Variants in MIGA2 observed in about 807,000 individuals in gnomAD.
MIGA2 encodes mitoguardin 2, also known as family with sequence similarity 73, member B.
A neutral mutation model predicts 69.9 loss-of-function variants in MIGA2; 36 were observed. That is an observed-to-expected ratio of 0.52 (90% CI 0.39 to 0.68). MIGA2 has a LOEUF of 0.68. Among genes scored for constraint, MIGA2 ranks in the 30% least tolerant of loss-of-function variants. The pLI is 0.00. For synonymous variants in MIGA2, 333 were observed against 349.2 expected, an observed-to-expected ratio of 0.95 and a Z score of 0.52; for missense variants, 660 against 787.7, an observed-to-expected ratio of 0.84 and a Z score of 1.94.
At chr9:129,043,721 C>T (rs1390761965) in intron 3 of MIGA2, among the ~76,000 whole-genome samples, 18 of 150,974 alleles carry the variant, frequency 1.2e-4, no homozygotes, top group African/African-American at 4.4e-4. Context: ...TTTTTTGAGA[C>T]GGAGTCTCAC....
chr9:129,045,600 AT>A (rs887691759), intron 3 of MIGA2, among the ~76,000 whole-genome samples: 2 of 151,344 alleles, frequency 1.3e-5, no homozygotes, highest in Admixed American at 6.6e-5. Context: ...TCTATAAATA[AT>A]TTTTTTTTAA....
chr9:129,047,984 G>T (rs558694305), intron 3 of MIGA2, among the ~76,000 whole-genome samples: 49 of 152,224 alleles, frequency 3.2e-4, no homozygotes, highest in African/African-American at 1.1e-3. Flanking sequence ...CCCCATCTCG[G>T]CCTCCCAAAG....
At chr9:129,070,157 TG>T in intron 15 of MIGA2, 89 bp from the exon 16 acceptor site, 2 of 1,457,440 alleles carry the variant, frequency 1.4e-6, no homozygotes, top group Non-Finnish European at 1.9e-6. Context: ...GCTGGGGCTC[TG>T]GTGGTGGACA....
At position 129,069,489 on chromosome 9, in the gene MIGA2, T is replaced by C; in HGVS notation, c.1458+360T>C. ...CCTTTCCCCGCCCCAGTCAGGCCCCTGTAATCTCCGCTCCCAGGCAGCGAC... is the reference window on the plus strand; with the variant it reads ...CCTTTCCCCGCCCCAGTCAGGCCCCCGTAATCTCCGCTCCCAGGCAGCGAC... On this transcript the variant is annotated intron_variant, in intron 14 of 15. Transcript: ENST00000684074. The surrounding 1 kb of genome is among the most constrained non-coding windows in gnomAD (Gnocchi z 4.9). 2.0e-6 allele frequency: 1 copy of C among 505,264 alleles called. No individual in the cohort carries two copies. The highest frequency in any genetic ancestry group is 3.4e-5 in the Admixed American group (1 of 29,666). The allele number at this position is 505,264 out of a possible 1,614,324, so 31.3% of individuals were successfully genotyped here. A position where few individuals can be genotyped will look rare whatever the true frequency, so the allele number is the denominator to read the frequency against.
chr9:129,038,295 G>A (rs1410922515), intron 1 of MIGA2, among the ~76,000 whole-genome samples: 2 of 152,156 alleles, frequency 1.3e-5, no homozygotes, highest in Admixed American at 6.5e-5. Flanking sequence ...CCACTCACTG[G>A]GGAGAAGCTG....
rs765458799 is a variant in MIGA2 at position 129,040,615 on chromosome 9, G to A, written c.21G>A (p.Glu7=). Reference sequence around the variant, plus strand: ...CTGCCATGGCGTTCCGGAGGGCCGAGGGCACGTCTATGATCCAGGCCCTGG... The same window carrying A: ...CTGCCATGGCGTTCCGGAGGGCCGAAGGCACGTCTATGATCCAGGCCCTGG... MAFRRA[E]GTSMIQALAM... is the part of the protein sequence containing the mutation. Residue 7 remains glutamate, a synonymous_variant, in exon 2 of 16, where the codon GAG becomes GAA. Coordinates refer to ENST00000684074, the MANE Select transcript of MIGA2 (RefSeq NM_001329990.2). 1.2e-6 allele frequency: 2 copies of A among 1,613,308 alleles called. No homozygotes were observed. Among genetic ancestry groups the A allele is most frequent in the East Asian group, 2.2e-5 (1 of 44,860 alleles).
chr9:129,061,161 AG>A lies in MIGA2; in HGVS notation c.895-68del. 7.4e-7 allele frequency: 1 copy of A among 1,342,436 alleles called. No homozygotes were observed. 83.2% of individuals were successfully genotyped at this position (1,342,436 alleles called of 1,614,324 possible). On this transcript the variant is annotated intron_variant, in intron 8 of 15. Transcript: ENST00000684074. This position sits in a 1 kb window ranked among gnomAD's most constrained non-coding sequence, Gnocchi z 5.0. ...TGGCCGCTGTGGCCGACCAATGGGC[AG>A]GTGCCCTTGCGCCGTGGCGTGCTGC...
Position 129,049,959 on chromosome 9 carries a change from C to CT in MIGA2, c.672dup (p.Glu225Ter), listed in dbSNP as rs1427001310. 3.1e-6 allele frequency: 5 copies of CT among 1,611,786 alleles called. No homozygotes were observed. The highest frequency in any genetic ancestry group is 4.2e-6 in the Non-Finnish European group (5 of 1,179,176). On this transcript the variant is annotated frameshift_variant, in exon 6 of 16. Coordinates refer to ENST00000684074, the MANE Select transcript of MIGA2 (RefSeq NM_001329990.2). LOFTEE classifies it high-confidence loss of function. ...CCAGAGACTGCATCAGAGCCACTGT[C>CT]TGAGGTAGGTGGTCTTCTGCATCCC...
At chr9:129,044,862 G>A (rs1845126654) in intron 3 of MIGA2, among the ~76,000 whole-genome samples, 1 of 152,078 alleles carries the variant, frequency 6.6e-6, no homozygotes, top group African/African-American at 2.4e-5. Context: ...AAGTGCTGGG[G>A]TTATGGGTGT....
In MIGA2 at chr9:129,060,648, G is replaced by A. The variant is rs752556157; in HGVS notation, c.892G>A (p.Glu298Lys). 3.0e-5 allele frequency: 48 copies of A among 1,583,950 alleles called. No homozygotes were observed. The highest frequency in any genetic ancestry group is 1.2e-4 in the Admixed American group (7 of 56,202). The change falls in exon 8 of 16, where the codon GAG becomes AAG. Residue 298 changes from glutamate to lysine, a missense_variant and splice_region_variant. Glu to Lys is a moderately conservative substitution (Grantham distance 56, BLOSUM62 1). Coordinates refer to ENST00000684074, the MANE Select transcript of MIGA2 (RefSeq NM_001329990.2). The surrounding 1 kb of genome is among the most constrained non-coding windows in gnomAD (Gnocchi z 4.8). Reference sequence around the variant, plus strand: ...AGAGGATTCCTTCTTCTCCGCCACCGAGGTGACTCGGGGTGGGGACCAAGC... The same window carrying A: ...AGAGGATTCCTTCTTCTCCGCCACCAAGGTGACTCGGGGTGGGGACCAAGC... ...TSEDSFFSAT[E>K]LFESLQTGDY...
chr9:129,050,264 CTTTGT>C (rs148760787), intron 6 of MIGA2, among the ~76,000 whole-genome samples: 16,200 of 151,958 alleles, frequency 0.11, 1,391 homozygotes, highest in Admixed American at 0.21. Flanking sequence ...ATTGCCTGGC[CTTTGT>C]TTTGTTTTGT....
At chr9:129,053,970 G>A (rs1293944018) in intron 6 of MIGA2, among the ~76,000 whole-genome samples, 2 of 152,066 alleles carry the variant, frequency 1.3e-5, no homozygotes, top group Non-Finnish European at 1.5e-5. Flanking sequence ...CTGAGCCCAG[G>A]AGTTCAAGGC....
intron 3 of MIGA2, among the ~76,000 whole-genome samples, chr9:129,043,630 G>T (rs928335075): frequency 6.6e-6 from 1 of 151,330 alleles, no homozygotes; most frequent in African/African-American, 2.4e-5. Flanking sequence ...CAAGTGATCC[G>T]CCCACCTCAG....
intron 1 of MIGA2, 157 bp downstream of exon 1, chr9:129,036,838 G>T: frequency 6.3e-6 from 4 of 634,210 alleles, no homozygotes; most frequent in Non-Finnish European, 8.0e-6. Context: ...GGGACGGTGC[G>T]AGAGGGTGCC....
In MIGA2 at chr9:129,059,367, C is replaced by A. The variant is rs1588400922; in HGVS notation, c.793+96C>A. On this transcript the variant is annotated intron_variant, in intron 7 of 15. Coordinates refer to ENST00000684074, the MANE Select transcript of MIGA2 (RefSeq NM_001329990.2). This position sits in a 1 kb window ranked among gnomAD's most constrained non-coding sequence, Gnocchi z 5.6. The stretch of plus-strand genomic sequence containing the variant: ...GAACCGGGTCGTGGTTCTCTCAGTG[C>A]GTCCAATGAATCAGAATCCCCAGGG... 2.2e-6 allele frequency: 2 copies of A among 914,682 alleles called. No individual in the cohort carries two copies. Among genetic ancestry groups the A allele is most frequent in the Non-Finnish European group, 3.4e-6 (2 of 587,366 alleles). 56.7% of individuals were successfully genotyped at this position (914,682 alleles called of 1,614,324 possible).
rs749590870 is a variant in MIGA2, at chr9:129,067,854, G to A, written c.1252G>A (p.Glu418Lys). 1 of 1,612,464 alleles carries A rather than the reference G, an allele frequency of 6.2e-7. No individual in the cohort carries two copies. The highest frequency in any genetic ancestry group is 8.5e-7 in the Non-Finnish European group (1 of 1,179,636). ...RPETWATTRLELEGRGVVCMS... is the reference protein window; with the variant it reads ...RPETWATTRLKLEGRGVVCMS... ...CGAGACCTGGGCCACAACACGGCTG[G>A]AGCTGGAGGGCCGAGGGGTGAGTTG... Residue 418 changes from glutamate (E) to lysine (K), a missense_variant, in exon 12 of 16, where the codon GAG (glutamate) becomes AAG (lysine). Physicochemically the swap from Glu to Lys is moderately conservative, Grantham distance 56. Around this residue, in one of 3 missense-constraint regions of MIGA2, gnomAD observed 220 missense variants for 301.7 expected, o/e 0.73. Coordinates refer to ENST00000684074, the MANE Select transcript of MIGA2 (RefSeq NM_001329990.2).
chr9:129,047,465 T>G (rs1254507146), intron 3 of MIGA2, among the ~76,000 whole-genome samples: 1 of 151,858 alleles, frequency 6.6e-6, no homozygotes, highest in African/African-American at 2.4e-5. Context: ...CAGGCTGGAG[T>G]GCAGTGGCAC....
Position 129,061,155 on chromosome 9 carries a change from A to G in MIGA2, c.895-76A>G, listed in dbSNP as rs188731796. The G allele has an allele frequency of 2.2e-4, 285 of 1,306,822 alleles. 1 individual carries two copies. The highest frequency in any genetic ancestry group is 1.0e-3 in the African/African-American group (69 of 68,304). The allele number at this position is 1,306,822 out of a possible 1,614,324, so 81.0% of individuals were successfully genotyped here. On this transcript the variant is annotated intron_variant, in intron 8 of 15. Coordinates refer to ENST00000684074, the MANE Select transcript of MIGA2 (RefSeq NM_001329990.2). The surrounding 1 kb of genome is among the most constrained non-coding windows in gnomAD (Gnocchi z 5.0). ...CTGGGGTGGCCGCTGTGGCCGACCAATGGGCAGGTGCCCTTGCGCCGTGGC... is the reference window on the plus strand; with the variant it reads ...CTGGGGTGGCCGCTGTGGCCGACCAGTGGGCAGGTGCCCTTGCGCCGTGGC...
chr9:129,070,296 G>A lies in MIGA2; in HGVS notation c.1625G>A (p.Arg542His), dbSNP rs1014913021. ...LRDMFDLDNV[R>H]YTSLPALADD... ...GACATGTTCGACCTGGACAATGTGCGCTACACGTCACTGCCCGCGCTGGCA... is the reference window on the plus strand; with the variant it reads ...GACATGTTCGACCTGGACAATGTGCACTACACGTCACTGCCCGCGCTGGCA... The change falls in exon 16 of 16, where the codon CGC becomes CAC. Residue 542 changes from arginine to histidine, a missense_variant. Arg to His is a conservative substitution (Grantham distance 29). Coordinates refer to ENST00000684074, the MANE Select transcript of MIGA2 (RefSeq NM_001329990.2). 5.0e-6 allele frequency: 8 copies of A among 1,613,044 alleles called. No individual in the cohort carries two copies. Among genetic ancestry groups the A allele is most frequent in the Admixed American group, 3.3e-5 (2 of 60,008 alleles).
Sources: gnomAD v4.1 joint callset for allele counts (sites outside exome capture counted in the v4.1 genomes callset) on GRCh38, gnomAD v4.1.1 for gene constraint, gnomAD v4.1.1 regional missense constraint, Gnocchi (gnomAD v3.1) non-coding constraint, MANE v1.5 for transcripts, NCBI Gene and HGNC (gene_info 2026-07-23, HGNC 2026-07-21) for gene names.